POLE: variants seen among roughly 807,000 people sequenced by gnomAD.
POLE encodes the protein DNA polymerase epsilon catalytic subunit A.
In POLE, 188 loss-of-function variants were observed where a neutral mutation model predicts 279.2. The ratio of observed to expected loss-of-function variants is 0.67; its 90% CI spans 0.60 to 0.76. The LOEUF is 0.76. Ranked by LOEUF, POLE falls within the 30% of genes least tolerant of loss-of-function variation. The pLI, the probability that POLE is intolerant of heterozygous loss-of-function variation, is 0.00. For synonymous variants in POLE, 1,214 were observed against 1,172.5 expected (o/e 1.04, Z -0.72); for missense variants, 2,703 against 3,016.7 (o/e 0.90, Z 2.44).
At chr12:132,671,935 C>G (rs748526635) in intron 16 of POLE, among the ~76,000 whole-genome samples, 1 of 152,138 alleles carries the variant, frequency 6.6e-6, no homozygotes. Context: ...AAATAAAGTC[C>G]TAATGCTTTA....
chr12:132,642,089 A>G (rs1315346312), intron 38 of POLE, 88 bp downstream of exon 38: 4 of 1,241,950 alleles, frequency 3.2e-6, no homozygotes, highest in East Asian at 4.7e-5. Flanking sequence ...CTCTGAGCCC[A>G]TCCTCGGCAC....
chr12:132,632,883 C>T, intron 43 of POLE, 88 bp from the exon 44 acceptor site: 1 of 1,411,004 alleles, frequency 7.1e-7, no homozygotes. Context: ...GGTCAGATTG[C>T]CTCACAGATG....
In POLE at chr12:132,676,650, G is replaced by T; in HGVS notation, c.805C>A (p.Pro269Thr). The T allele has an allele frequency of 6.2e-7, 1 of 1,604,564 alleles. No homozygotes were observed. The highest frequency in any genetic ancestry group is 8.5e-7 in the Non-Finnish European group (1 of 1,171,492). The change falls in exon 9 of 49, where the codon CCT (proline) becomes ACT (threonine). Residue 269 changes from proline to threonine, a missense_variant. Physicochemically the swap from Pro to Thr is conservative, Grantham distance 38. Coordinates refer to ENST00000320574, the MANE Select transcript of POLE (RefSeq NM_006231.4). ...RRDDLVERPD[P>T]VVLAFDIETT... is the part of the protein sequence containing the mutation. ...TCAATGTCAAATGCCAAAACCACAGGGTCCTGTGGGGACAAAATAAGCATA... is the reference window on the plus strand; with the variant it reads ...TCAATGTCAAATGCCAAAACCACAGTGTCCTGTGGGGACAAAATAAGCATA...
At chr12:132,646,525 TAAAAA>T (rs57636810) in intron 32 of POLE, among the ~76,000 whole-genome samples, 1 of 144,708 alleles carries the variant, frequency 6.9e-6, no homozygotes, top group African/African-American at 2.5e-5. Context: ...TTTCTTCCTT[TAAAAA>T]AAAAAAAAAA....
intron 45 of POLE, 65 bp from the exon 46 acceptor site, chr12:132,626,382 C>CA: frequency 6.6e-7 from 1 of 1,504,044 alleles, no homozygotes; most frequent in Non-Finnish European, 9.2e-7. Flanking sequence ...CTGTCTGGAC[C>CA]AGAACCCTCT....
At position 132,659,202 on chromosome 12, in the gene POLE, GA is replaced by G. The variant is rs1355157268; in HGVS notation, c.3275+92del. The G allele has an allele frequency of 6.2e-4, 807 of 1,310,696 alleles. 10 individuals carry two copies. The highest frequency in any genetic ancestry group is 2.9e-3 in the South Asian group (210 of 73,432). 81.2% of individuals were successfully genotyped at this position (1,310,696 alleles called of 1,614,324 possible). ...AGGGCAGCCCTCACCTCTCTGTGAT[GA>G]GGGGAGCCCTCACCTCTCCGTGACG... is the stretch of plus-strand genomic sequence containing the variant. On this transcript the variant is annotated intron_variant, in intron 26 of 48. Coordinates refer to ENST00000320574, the MANE Select transcript of POLE (RefSeq NM_006231.4).
chr12:132,658,832 C>T (rs1258572754), intron 26 of POLE, among the ~76,000 whole-genome samples: 1 of 125,700 alleles, frequency 8.0e-6, no homozygotes, highest in Non-Finnish European at 1.6e-5. Flanking sequence ...TTCTGGTGTT[C>T]ATCAACCCCA....
chr12:132,667,400 G>T (rs1004667045), intron 20 of POLE, 103 bp downstream of exon 20: 5 of 1,214,216 alleles, frequency 4.1e-6, no homozygotes, highest in African/African-American at 1.5e-5. Context: ...GAGTGCAAGT[G>T]CCTGCTCAGA....
rs771544067 is a variant in POLE at position 132,649,476 on chromosome 12, ACTT to A, written c.3832_3834del (p.Lys1278del). The A allele has an allele frequency of 3.7e-6, 6 of 1,612,192 alleles. No homozygotes were observed. Among genetic ancestry groups the A allele is most frequent in the Admixed American group, 1.7e-5 (1 of 60,008 alleles). On this transcript the variant is annotated inframe_deletion, in exon 31 of 49. Transcript: ENST00000320574. Reference sequence around the variant, plus strand: ...AGGCGCTGCCGGGCCTGCAGCTGCCACTTCTTCTTGTGGAACCGGAGCCAGACA... The same window carrying A: ...AGGCGCTGCCGGGCCTGCAGCTGCCACTTCTTGTGGAACCGGAGCCAGACA...
chr12:132,627,112 T>C (rs1458299766), intron 45 of POLE, among the ~76,000 whole-genome samples: 1 of 152,092 alleles, frequency 6.6e-6, no homozygotes, highest in Non-Finnish European at 1.5e-5. Context: ...GAAACCCCAT[T>C]TCTATTAAAA....
Position 132,656,964 on chromosome 12 carries a change from G to C in POLE, c.3582+172C>G, listed in dbSNP as rs5744890. On this transcript the variant is annotated intron_variant, in intron 29 of 48. Coordinates refer to ENST00000320574, the MANE Select transcript of POLE (RefSeq NM_006231.4). ...TCACAATGGTGTCCTATTAACAAAAGAGTGACACTCAGAGTTAGAGAGTAA... is the reference window on the plus strand; with the variant it reads ...TCACAATGGTGTCCTATTAACAAAACAGTGACACTCAGAGTTAGAGAGTAA... 9.0e-3 allele frequency among the ~76,000 whole-genome samples: 1,369 copies of C among 152,286 alleles called. 14 individuals carry two copies. The highest frequency in any genetic ancestry group is 0.031 in the African/African-American group (1,309 of 41,556).
rs1307732928 is a variant in POLE, at chr12:132,642,291, A to T, written c.5059T>A (p.Ser1687Thr). Reference protein sequence around the residue: ...LQRHNHLLWLSPTARPDLGGK... With the variant: ...LQRHNHLLWLTPTARPDLGGK... Reference sequence around the variant, plus strand: ...CCCAGGTCAGGGCGGGCTGTAGGGGACAGCCAGAGCAGGTGGTTGTGGCGC... The same window carrying T: ...CCCAGGTCAGGGCGGGCTGTAGGGGTCAGCCAGAGCAGGTGGTTGTGGCGC... The change falls in exon 38 of 49, where the codon TCC becomes ACC. Residue 1687 changes from serine (S) to threonine (T), a missense_variant. By Grantham distance (58) the Ser-to-Thr change is moderately conservative. Around this residue, in one of 5 missense-constraint regions of POLE, gnomAD observed 1,551 missense variants for 1,686.1 expected, o/e 0.92. Transcript: ENST00000320574. 1 of 1,607,156 alleles carries T rather than the reference A, an allele frequency of 6.2e-7. No homozygotes were observed. Among genetic ancestry groups the T allele is most frequent in the African/African-American group, 1.3e-5 (1 of 74,582 alleles).
chr12:132,681,345 T>C, intron 1 of POLE, 66 bp from the exon 2 acceptor site: 1 of 1,514,780 alleles, frequency 6.6e-7, no homozygotes, highest in South Asian at 1.2e-5. Context: ...CTTTTTTTCT[T>C]TTTTTTCTTT....
chr12:132,681,988 C>T (rs1426471291), intron 1 of POLE, among the ~76,000 whole-genome samples: 1 of 152,052 alleles, frequency 6.6e-6, no homozygotes, highest in Non-Finnish European at 1.5e-5. Context: ...AGTTTGAGAC[C>T]AGCCTGGCCA....
intron 39 of POLE, among the ~76,000 whole-genome samples, chr12:132,640,057 G>A (rs188800982): frequency 2.2e-3 from 335 of 152,250 alleles, no homozygotes; most frequent in Admixed American, 3.7e-3. Context: ...CCTCTCTCCC[G>A]CCTAGCAGGC....
In POLE at chr12:132,638,060, G is replaced by C. The variant is rs199979862; in HGVS notation, c.5632C>G (p.Arg1878Gly). 1 of 1,613,826 alleles carries C rather than the reference G, an allele frequency of 6.2e-7. No individual in the cohort carries two copies. Among genetic ancestry groups the C allele is most frequent in the African/African-American group, 1.3e-5 (1 of 74,872 alleles). The change falls in exon 41 of 49, where the codon CGC becomes GGC. Residue 1878 changes from arginine to glycine, a missense_variant. This residue lies in a region of POLE where 1,551 missense variants were observed against 1,686.1 expected (regional missense o/e 0.92). Coordinates refer to ENST00000320574, the MANE Select transcript of POLE (RefSeq NM_006231.4). The part of the protein sequence containing the change: ...FNRIILCTKK[R>G]RVEDAIAYVE... ...TAAGCGATGGCATCTTCCACACGGC[G>C]CTTCTTTGTACAGAGGATGATGCGG...
At chr12:132,674,036 C>T (rs1184517503) in intron 12 of POLE, among the ~76,000 whole-genome samples, 1 of 152,144 alleles carries the variant, frequency 6.6e-6, no homozygotes, top group Non-Finnish European at 1.5e-5. Flanking sequence ...GGTCTGCACC[C>T]CTGGGGCCTA....
intron 35 of POLE, 28 bp downstream of exon 35, chr12:132,643,196 G>C: frequency 6.2e-7 from 1 of 1,604,010 alleles, no homozygotes; most frequent in South Asian, 1.1e-5. Flanking sequence ...CCCAGCCAAT[G>C]TGCTGCCATG....
rs2138539528 is a variant in POLE, at chr12:132,642,861, T to A, written c.4687A>T (p.Thr1563Ser). The A allele has an allele frequency of 6.2e-7, 1 of 1,614,006 alleles. No homozygotes were observed. Among genetic ancestry groups the A allele is most frequent in the African/African-American group, 1.3e-5 (1 of 75,036 alleles). ...AATCGCTGGATGGCTCTGCAGATGG[T>A]CTTCAGGTCAGTTTCTGCCCGAACT... ...FEVRAETDLK[T>S]ICRAIQRFLL... The change falls in exon 36 of 49, where the codon ACC becomes TCC. Residue 1563 changes from threonine (T) to serine (S), a missense_variant. Coordinates refer to ENST00000320574, the MANE Select transcript of POLE (RefSeq NM_006231.4).
Sources: allele counts gnomAD v4.1 joint callset (sites outside exome capture counted in the v4.1 genomes callset), GRCh38; gene constraint gnomAD v4.1.1; regional missense constraint gnomAD v4.1.1; transcripts MANE v1.5; gene names NCBI Gene and HGNC (gene_info 2026-07-23, HGNC 2026-07-21).